The following RYR2 variants were observed in gnomAD, a reference collection of about 807,000 sequenced individuals.
The protein encoded by RYR2 is ryanodine receptor 2, also known as cardiac muscle ryanodine receptor-calcium release channel.
Under a neutral mutation model 601.1 loss-of-function variants are expected in RYR2, and 227 were observed. The ratio of observed to expected loss-of-function variants is 0.38; its 90% confidence interval spans 0.34 to 0.42. The LOEUF is 0.42. Ranked by LOEUF, RYR2 falls within the 10% of genes least tolerant of loss-of-function variation. RYR2 has a pLI of 1.00. For synonymous variants in RYR2, 2,223 were observed against 2,175.1 expected, an observed-to-expected ratio of 1.02 and a Z score of -0.61; for missense variants, 4,646 against 6,156.5, an observed-to-expected ratio of 0.75 and a Z score of 8.21.
intron 52 of RYR2, 35 bp from the exon 53 acceptor site, chr1:237,655,786 A>AGTAATTTTTTTTTTTG: frequency 6.5e-7 from 1 of 1,546,266 alleles, no homozygotes; most frequent in Non-Finnish European, 8.7e-7. Context: ...TTTGCCATAT[A>AGTAATTTTTTTTTTTG]GTAATTTTTT....
In RYR2 at chr1:237,780,165, G is replaced by A. The variant is rs751553994; in HGVS notation, c.11880+1395G>A. On this transcript the variant is annotated intron_variant, in intron 88 of 104. Transcript: ENST00000366574. ...TTTGTTCAAGTCTTTATAGACCAAA[G>A]TTGAGGCCAAGTTGAGAAGAGGGCT... is the stretch of plus-strand genomic sequence containing the variant. Among the ~76,000 whole-genome samples the A allele has an allele frequency of 1.6e-4, 25 of 152,180 alleles. 1 individual carries two copies. Among genetic ancestry groups the A allele is most frequent in the Admixed American group, 1.3e-4 (2 of 15,276 alleles).
intron 1 of RYR2, among the ~76,000 whole-genome samples, chr1:237,145,158 G>A (rs929303178): frequency 5.3e-5 from 8 of 151,530 alleles, no homozygotes; most frequent in East Asian, 1.9e-4. Flanking sequence ...ACCATGGCAC[G>A]TATATACCTA....
chr1:237,616,893 G>A (rs1322437300), intron 37 of RYR2, among the ~76,000 whole-genome samples: 1 of 152,090 alleles, frequency 6.6e-6, no homozygotes, highest in African/African-American at 2.4e-5. Flanking sequence ...GCATGTGCAG[G>A]GGAACTTCCA....
At chr1:237,418,094 G>A (rs150884678) in intron 11 of RYR2, among the ~76,000 whole-genome samples, 32 of 152,142 alleles carry the variant, frequency 2.1e-4, no homozygotes, top group African/African-American at 7.5e-4. Flanking sequence ...TCAGGCTGGA[G>A]TGCAGTGGCG....
chr1:237,737,729 T>C (rs975990326), intron 79 of RYR2, among the ~76,000 whole-genome samples: 1 of 152,234 alleles, frequency 6.6e-6, no homozygotes, highest in Non-Finnish European at 1.5e-5. Flanking sequence ...GTTGGTAGTG[T>C]GCAGCTGAAA....
intron 8 of RYR2, among the ~76,000 whole-genome samples, chr1:237,380,113 A>G (rs1278814118): frequency 1.3e-5 from 2 of 151,606 alleles, no homozygotes; most frequent in African/African-American, 2.4e-5. Flanking sequence ...AGAGATGGTG[A>G]ATTATTATTT....
At chr1:237,740,035 G>A (rs770644378) in intron 79 of RYR2, among the ~76,000 whole-genome samples, 1 of 152,188 alleles carries the variant, frequency 6.6e-6, no homozygotes, top group Admixed American at 6.5e-5. Flanking sequence ...CCTGGCAAAA[G>A]AAGGACTCTT....
At chr1:237,467,889 C>T (rs1443518056) in intron 16 of RYR2, among the ~76,000 whole-genome samples, 2 of 143,428 alleles carry the variant, frequency 1.4e-5, no homozygotes, top group Non-Finnish European at 3.0e-5. Context: ...AACGGAGTCT[C>T]ACACTGTCTC....
At chr1:237,050,271 A>C (rs902333218) in intron 1 of RYR2, among the ~76,000 whole-genome samples, 1 of 152,216 alleles carries the variant, frequency 6.6e-6, no homozygotes, top group African/African-American at 2.4e-5. Context: ...CTGTGGAGCC[A>C]AGATAGATGC....
intron 2 of RYR2, among the ~76,000 whole-genome samples, chr1:237,325,548 C>T (rs571241558): frequency 2.6e-5 from 4 of 151,842 alleles, no homozygotes; most frequent in South Asian, 4.2e-4. Flanking sequence ...TTTAGCCGGG[C>T]GTGGTGGCGG....
intron 1 of RYR2, among the ~76,000 whole-genome samples, chr1:237,074,026 T>G (rs1454683597): frequency 1.3e-5 from 2 of 152,120 alleles, no homozygotes; most frequent in Admixed American, 1.3e-4. Context: ...TAAAATTTTT[T>G]TGTGTGGGAG....
chr1:237,736,289 C>A, intron 79 of RYR2, among the ~76,000 whole-genome samples: 1 of 151,852 alleles, frequency 6.6e-6, no homozygotes, highest in South Asian at 2.1e-4. Flanking sequence ...GGTGAAACCC[C>A]GTCTCTGCTA....
intron 79 of RYR2, among the ~76,000 whole-genome samples, chr1:237,735,416 G>A (rs1447678870): frequency 6.6e-6 from 1 of 152,086 alleles, no homozygotes; most frequent in Admixed American, 6.6e-5. Flanking sequence ...TAAAGAGAGA[G>A]CCATCTAAGC....
At chr1:237,723,324 G>A (rs1353714764) in intron 74 of RYR2, 62 bp downstream of exon 74, 18 of 1,347,036 alleles carry the variant, frequency 1.3e-5, no homozygotes, top group Non-Finnish European at 1.8e-5. Flanking sequence ...TTTAAAAAGA[G>A]AATGTGTGTT....
rs562623256 is a variant in RYR2, at chr1:237,578,587, T to C, written c.3598+9268T>C. 2.8e-4 allele frequency among the ~76,000 whole-genome samples: 42 copies of C among 152,360 alleles called. No homozygotes were observed. In the South Asian group the frequency reaches 7.5e-3, roughly 27 times the overall value. On this transcript the variant is annotated intron_variant, in intron 29 of 104. Transcript: ENST00000366574. ...AAGAGAATTTCTTTCAAAAGATTTC[T>C]GAACTAGAGTTGATGCAATGCCCCT...
chr1:237,137,723 T>G (rs1672945567), intron 1 of RYR2, among the ~76,000 whole-genome samples: 1 of 152,248 alleles, frequency 6.6e-6, no homozygotes, highest in East Asian at 1.9e-4. Context: ...ATCTTTAGAT[T>G]GATTTTAAGT....
intron 104 of RYR2, among the ~76,000 whole-genome samples, chr1:237,831,997 TACG>T (rs1389274318): frequency 1.3e-5 from 2 of 152,130 alleles, no homozygotes; most frequent in African/African-American, 2.4e-5. Flanking sequence ...ATTTGAAGGA[TACG>T]ATATTTTAAG....
intron 14 of RYR2, among the ~76,000 whole-genome samples, chr1:237,446,755 C>T (rs1008766824): frequency 2.0e-5 from 3 of 152,158 alleles, no homozygotes; most frequent in African/African-American, 7.2e-5. Flanking sequence ...AACTCCAAGC[C>T]TCATCAGATG....
rs544529531 is a variant in RYR2 at position 237,329,217 on chromosome 1, C to CGACA, written c.169-1661_169-1660insGACA. Among the ~76,000 whole-genome samples the CGACA allele has an allele frequency of 1.1e-4, 16 of 152,144 alleles. No individual in the cohort carries two copies. In the South Asian group the frequency reaches 3.3e-3, roughly 32 times the overall value. On this transcript the variant is annotated intron_variant, in intron 2 of 104. Transcript: ENST00000366574. ...TATTTTTTGAGAACAGGGTCTTGCT[C>CGACA]TGTCACTCAGGTTTTCATACAGTGG... is the stretch of plus-strand genomic sequence containing the variant.
Sources: gnomAD v4.1 joint callset for allele counts (sites outside exome capture counted in the v4.1 genomes callset) on GRCh38, gnomAD v4.1.1 for gene constraint, MANE v1.5 for transcripts, NCBI Gene and HGNC (gene_info 2026-07-23, HGNC 2026-07-21) for gene names.